ZC3H8: variants seen among roughly 807,000 people sequenced by gnomAD.
ZC3H8 encodes zinc finger CCCH-type containing 8.
Under a neutral mutation model 42.5 loss-of-function variants are expected in ZC3H8, and 27 were observed. The ratio of observed to expected loss-of-function variants is 0.64; its 90% CI spans 0.47 to 0.88. The LOEUF is 0.88. Among genes scored for constraint, ZC3H8 ranks in the 40% least tolerant of loss-of-function variants. The pLI, the probability that ZC3H8 is intolerant of heterozygous loss-of-function variation, is 0.00. For missense variants in ZC3H8, 277 were observed against 336.1 expected (o/e 0.82, Z 1.37); for synonymous variants, 101 against 110.1 (o/e 0.92, Z 0.52).
Position 112,230,932 on chromosome 2 carries a change from T to C in ZC3H8, c.862A>G (p.Lys288Glu). 1 of 1,260,834 alleles carries C rather than the reference T, an allele frequency of 7.9e-7. No homozygotes were observed. The highest frequency in any genetic ancestry group is 1.0e-6 in the Non-Finnish European group (1 of 959,754). 78.1% of individuals were successfully genotyped at this position (1,260,834 alleles called of 1,614,324 possible). A position where few individuals can be genotyped will look rare whatever the true frequency, so the allele number is the denominator to read the frequency against. Residue 288 changes from lysine (K) to glutamate (E), a missense_variant, in exon 8 of 9, where the codon AAG becomes GAG. Lys to Glu is a moderately conservative substitution (Grantham distance 56). Coordinates refer to ENST00000409573, the MANE Select transcript of ZC3H8 (RefSeq NM_032494.3). The part of the protein sequence containing the change: ...LLAKVLDTEK[K>E]SCK ...TTATGTCTATTTTATTTACATGACT[T>C]CTTTTCAGTATCCAAAACCTAATAT...
At chr2:112,239,304 T>C (rs1351470941) in intron 2 of ZC3H8, among the ~76,000 whole-genome samples, 1 of 152,240 alleles carries the variant, frequency 6.6e-6, no homozygotes, top group African/African-American at 2.4e-5. Context: ...TATTAAACTG[T>C]ATCATTATAA....
Position 112,215,773 on chromosome 2 carries a change from A to T in ZC3H8, c.*711T>A, listed in dbSNP as rs188132443. On this transcript the variant is annotated 3_prime_UTR_variant, in exon 9 of 9. Transcript: ENST00000409573. Reference sequence around the variant, plus strand: ...CACACTCCTAAAGTTTGTAACTCACACAAGTGTATAATCTGACTACAGTTT... The same window carrying T: ...CACACTCCTAAAGTTTGTAACTCACTCAAGTGTATAATCTGACTACAGTTT... 6.6e-6 allele frequency: 1 copy of T among 152,220 alleles called. No individual in the cohort carries two copies. Among genetic ancestry groups the T allele is most frequent in the Non-Finnish European group, 1.5e-5 (1 of 68,032 alleles). The allele number at this position is 152,220 out of a possible 1,614,324, so 9.4% of individuals were successfully genotyped here.
intron 8 of ZC3H8, among the ~76,000 whole-genome samples, chr2:112,223,009 A>C (rs757093022): frequency 5.9e-5 from 9 of 152,210 alleles, no homozygotes. Context: ...TTTTAAAATA[A>C]GAAATGAGTG....
intron 1 of ZC3H8, among the ~76,000 whole-genome samples, chr2:112,251,946 T>C (rs1685963195): frequency 6.6e-6 from 1 of 152,220 alleles, no homozygotes; most frequent in South Asian, 2.1e-4. Context: ...TCTTCTAGTT[T>C]CTTCTTTCCA....
At position 112,240,938 on chromosome 2, in the gene ZC3H8, A is replaced by G. The variant is rs1685547517; in HGVS notation, c.157-2410T>C. ...ATGGCCTCCAGAAACCTCCAAAATT[A>G]AAGTACAGGTAACAGTGTGTGTGTG... On this transcript the variant is annotated intron_variant, in intron 2 of 8. Transcript: ENST00000409573. Among the ~76,000 whole-genome samples the G allele has an allele frequency of 2.7e-5, 4 of 150,404 alleles. No homozygotes were observed. In the South Asian group the frequency reaches 8.4e-4, roughly 32 times the overall value.
intron 1 of ZC3H8, among the ~76,000 whole-genome samples, chr2:112,252,479 T>C (rs1224297664): frequency 2.0e-5 from 3 of 152,190 alleles, no homozygotes; most frequent in South Asian, 2.1e-4. Flanking sequence ...TCAACACAAC[T>C]AGAATGACCC....
intron 1 of ZC3H8, among the ~76,000 whole-genome samples, chr2:112,252,060 C>T (rs1207032942): frequency 1.3e-5 from 2 of 152,196 alleles, no homozygotes; most frequent in Non-Finnish European, 2.9e-5. Flanking sequence ...TCTATATTCT[C>T]ATTCCAGGCT....
chr2:112,232,011 G>A (rs996612691), intron 6 of ZC3H8, 64 bp from the exon 7 acceptor site: 73 of 1,015,122 alleles, frequency 7.2e-5, no homozygotes, highest in Non-Finnish European at 1.0e-4. Flanking sequence ...TTAACTTAAT[G>A]ACTTTATTTT....
chr2:112,249,633 G>C (rs1052209606), intron 2 of ZC3H8, among the ~76,000 whole-genome samples: 1 of 152,050 alleles, frequency 6.6e-6, no homozygotes, highest in Non-Finnish European at 1.5e-5. Context: ...TTTTAGTAGA[G>C]ATGGGTTTCA....
intron 8 of ZC3H8, among the ~76,000 whole-genome samples, chr2:112,226,063 C>T (rs936581817): frequency 1.3e-5 from 2 of 151,298 alleles, no homozygotes; most frequent in African/African-American, 4.9e-5. Flanking sequence ...GCCTAGGCAA[C>T]AGAGCAAGAC....
chr2:112,236,662 C>T lies in ZC3H8; in HGVS notation c.404G>A (p.Gly135Asp). ...TTTCTTCTGTTTGCCATTCTTGTGA[C>T]CAGCTTTAAGATTTTTATTTTTTTG... ...AKQKNKNLKA[G>D]HKNGKQKKMK... Residue 135 changes from glycine to aspartate, a missense_variant, in exon 4 of 9, where the codon GGT becomes GAT. Coordinates refer to ENST00000409573, the MANE Select transcript of ZC3H8 (RefSeq NM_032494.3). 5 of 1,613,612 alleles carry T rather than the reference C, an allele frequency of 3.1e-6. No individual in the cohort carries two copies. Among genetic ancestry groups the T allele is most frequent in the Non-Finnish European group, 3.4e-6 (4 of 1,179,720 alleles).
intron 8 of ZC3H8, among the ~76,000 whole-genome samples, chr2:112,228,712 T>C (rs974703290): frequency 6.6e-6 from 1 of 152,108 alleles, no homozygotes; most frequent in East Asian, 1.9e-4. Flanking sequence ...ACGGAAAGCA[T>C]GATCCATAGA....
intron 4 of ZC3H8, among the ~76,000 whole-genome samples, chr2:112,236,265 T>C (rs750693317): frequency 4.6e-5 from 7 of 151,964 alleles, no homozygotes; most frequent in Non-Finnish European, 7.4e-5. Flanking sequence ...AAAAAATATA[T>C]GTATAACAAT....
chr2:112,236,440 A>C, intron 4 of ZC3H8, 122 bp downstream of exon 4: 3 of 1,363,002 alleles, frequency 2.2e-6, no homozygotes, highest in Non-Finnish European at 3.0e-6. Flanking sequence ...TTCATCCGAA[A>C]ACCGATTCTG....
At chr2:112,217,627 T>TA (rs1387581433) in intron 8 of ZC3H8, among the ~76,000 whole-genome samples, 4 of 152,230 alleles carry the variant, frequency 2.6e-5, no homozygotes, top group African/African-American at 9.6e-5. Flanking sequence ...AGAGTGTTTT[T>TA]AAAAAGTTAC....
chr2:112,247,318 TA>T (rs1218226394), intron 2 of ZC3H8, among the ~76,000 whole-genome samples: 1 of 152,340 alleles, frequency 6.6e-6, no homozygotes, highest in African/African-American at 2.4e-5. Context: ...CTCACACCTG[TA>T]ATCCCAGCAG....
intron 8 of ZC3H8, among the ~76,000 whole-genome samples, chr2:112,227,228 T>C (rs566522713): frequency 2.0e-5 from 3 of 152,284 alleles, no homozygotes; most frequent in Non-Finnish European, 2.9e-5. Context: ...TTAGAAAGGT[T>C]AGAAAGGAAG....
intron 2 of ZC3H8, among the ~76,000 whole-genome samples, chr2:112,247,418 T>C (rs1237647668): frequency 1.3e-5 from 2 of 151,984 alleles, no homozygotes; most frequent in Non-Finnish European, 2.9e-5. Flanking sequence ...CTACTAAAAA[T>C]ACAAAAATTA....
chr2:112,217,551 ATTGT>A (rs1684380083), intron 8 of ZC3H8, among the ~76,000 whole-genome samples: 1 of 152,172 alleles, frequency 6.6e-6, no homozygotes, highest in Non-Finnish European at 1.5e-5. Context: ...CATATTGTGC[ATTGT>A]TTATTTAGAA....
Sources: allele counts gnomAD v4.1 joint callset (sites outside exome capture counted in the v4.1 genomes callset), GRCh38; gene constraint gnomAD v4.1.1; transcripts MANE v1.5; gene names NCBI Gene and HGNC (gene_info 2026-07-23, HGNC 2026-07-21).